Variants in IMMP2L observed in about 807,000 individuals in gnomAD.
The protein encoded by IMMP2L is inner mitochondrial membrane peptidase subunit 2.
In IMMP2L, 18 loss-of-function variants were observed where a neutral mutation model predicts 19.3. The ratio of observed to expected loss-of-function variants is 0.93; its 90% CI spans 0.64 to 1.38. The LOEUF is 1.38. IMMP2L is among the 40% of genes most tolerant of loss of function. The pLI is 0.00. For missense variants in IMMP2L, 233 were observed against 218.2 expected, an observed-to-expected ratio of 1.07 and a Z score of -0.43; for synonymous variants, 76 against 73.0, an observed-to-expected ratio of 1.04 and a Z score of -0.21.
At chr7:111,006,980 C>T (rs1050927023) in intron 3 of IMMP2L, among the ~76,000 whole-genome samples, 3 of 152,082 alleles carry the variant, frequency 2.0e-5, no homozygotes, top group Admixed American at 6.6e-5. Context: ...TTCCCTCCTC[C>T]CATTTTCTCT....
At chr7:111,015,437 T>C (rs1825398162) in intron 3 of IMMP2L, among the ~76,000 whole-genome samples, 1 of 152,038 alleles carries the variant, frequency 6.6e-6, no homozygotes, top group Non-Finnish European at 1.5e-5. Flanking sequence ...AAAATGGGCA[T>C]AGAGTTTTAG....
At chr7:111,217,466 G>C (rs550263032) in intron 3 of IMMP2L, among the ~76,000 whole-genome samples, 2 of 152,086 alleles carry the variant, frequency 1.3e-5, no homozygotes, top group East Asian at 3.9e-4. Context: ...CCCACTCATG[G>C]AGCTTGGATT....
intron 3 of IMMP2L, among the ~76,000 whole-genome samples, chr7:111,204,230 C>T (rs116155700): frequency 2.6e-5 from 4 of 152,124 alleles, no homozygotes; most frequent in Non-Finnish European, 4.4e-5. Flanking sequence ...AAGCCCACAT[C>T]GCTCACTGAT....
chr7:110,668,049 C>G (rs1376099776), intron 5 of IMMP2L, among the ~76,000 whole-genome samples: 1 of 152,068 alleles, frequency 6.6e-6, no homozygotes, highest in Non-Finnish European at 1.5e-5. Context: ...CTTGCTTTTA[C>G]TCTCAACAAT....
At chr7:110,881,299 T>C (rs1407469123) in intron 5 of IMMP2L, among the ~76,000 whole-genome samples, 1 of 152,178 alleles carries the variant, frequency 6.6e-6, no homozygotes, top group Admixed American at 6.5e-5. Context: ...CCTTTGTCTA[T>C]ACCAGTCAAA....
At chr7:110,835,155 T>A (rs1471753963) in intron 5 of IMMP2L, among the ~76,000 whole-genome samples, 1 of 152,036 alleles carries the variant, frequency 6.6e-6, no homozygotes, top group Non-Finnish European at 1.5e-5. Flanking sequence ...CAGGAAAAAA[T>A]GTTTGCTTCA....
intron 5 of IMMP2L, among the ~76,000 whole-genome samples, chr7:110,875,740 T>C (rs1394325126): frequency 2.0e-5 from 3 of 152,166 alleles, no homozygotes; most frequent in African/African-American, 7.2e-5. Flanking sequence ...GCTCTTCAAC[T>C]GTAAATAAAA....
At chr7:110,972,935 T>A (rs1455758533) in intron 3 of IMMP2L, among the ~76,000 whole-genome samples, 2 of 152,214 alleles carry the variant, frequency 1.3e-5, no homozygotes, top group South Asian at 2.1e-4. Context: ...TTCCTATGTT[T>A]GTCCTTTCCC....
intron 1 of IMMP2L, among the ~76,000 whole-genome samples, chr7:111,545,472 C>G (rs1415929567): frequency 6.6e-6 from 1 of 152,108 alleles, no homozygotes; most frequent in African/African-American, 2.4e-5. Context: ...CTCACCGCAA[C>G]CTCTGCCTCC....
At chr7:111,393,131 A>C (rs1832533124) in intron 3 of IMMP2L, among the ~76,000 whole-genome samples, 1 of 152,068 alleles carries the variant, frequency 6.6e-6, no homozygotes, top group African/African-American at 2.4e-5. Context: ...TCTGTTGGGC[A>C]ACCAGCCTGC....
At chr7:111,067,302 A>C (rs1790654733) in intron 3 of IMMP2L, among the ~76,000 whole-genome samples, 1 of 152,214 alleles carries the variant, frequency 6.6e-6, no homozygotes, top group Admixed American at 6.5e-5. Context: ...CTAACTTTGT[A>C]GTTGGCTTAA....
At chr7:110,984,446 A>T (rs1405900125) in intron 3 of IMMP2L, among the ~76,000 whole-genome samples, 2 of 152,112 alleles carry the variant, frequency 1.3e-5, no homozygotes, top group African/African-American at 4.8e-5. Context: ...GTCTCAAAAC[A>T]CTAGAAGTGT....
At chr7:111,341,043 T>A (rs1398470025) in intron 3 of IMMP2L, among the ~76,000 whole-genome samples, 4 of 152,122 alleles carry the variant, frequency 2.6e-5, no homozygotes, top group African/African-American at 9.7e-5. Context: ...TTTCTGTTTG[T>A]ATGATATACT....
At chr7:110,845,639 T>C (rs965948510) in intron 5 of IMMP2L, among the ~76,000 whole-genome samples, 1 of 152,182 alleles carries the variant, frequency 6.6e-6, no homozygotes, top group Non-Finnish European at 1.5e-5. Context: ...TTTATTATAA[T>C]TTTCCTTGAA....
At chr7:111,249,610 G>A (rs1011791707) in intron 3 of IMMP2L, among the ~76,000 whole-genome samples, 5 of 151,998 alleles carry the variant, frequency 3.3e-5, no homozygotes, top group African/African-American at 1.2e-4. Flanking sequence ...CCATTTAGAA[G>A]AGAAAGTCAT....
intron 3 of IMMP2L, among the ~76,000 whole-genome samples, chr7:111,085,621 A>G (rs1563225845): frequency 6.6e-6 from 1 of 152,046 alleles, no homozygotes; most frequent in East Asian, 1.9e-4. Flanking sequence ...GGCTGCACAT[A>G]TTTCTTTTTT....
chr7:111,215,133 G>A (rs978613641), intron 3 of IMMP2L, among the ~76,000 whole-genome samples: 1 of 152,050 alleles, frequency 6.6e-6, no homozygotes, highest in Non-Finnish European at 1.5e-5. Context: ...GTCAATGGTT[G>A]CAACCACACA....
intron 3 of IMMP2L, among the ~76,000 whole-genome samples, chr7:111,148,489 C>A (rs1407998857): frequency 6.6e-6 from 1 of 151,876 alleles, no homozygotes; most frequent in South Asian, 2.1e-4. Flanking sequence ...GAATTACGTA[C>A]ATTAAAAGTG....
At chr7:111,421,068 G>C (rs542228709) in intron 3 of IMMP2L, among the ~76,000 whole-genome samples, 3 of 151,792 alleles carry the variant, frequency 2.0e-5, no homozygotes, top group Admixed American at 6.6e-5. Context: ...TCCAGCATCT[G>C]TTGTTCCCTG....
Sources: gnomAD v4.1 joint callset for allele counts (sites outside exome capture counted in the v4.1 genomes callset) on GRCh38, gnomAD v4.1.1 for gene constraint, MANE v1.5 for transcripts, NCBI Gene and HGNC (gene_info 2026-07-23, HGNC 2026-07-21) for gene names.